The following RC3H1 variants were observed in gnomAD, a reference collection of about 807,000 sequenced individuals.
RC3H1 encodes the protein roquin-1.
Under a neutral mutation model 138.2 loss-of-function variants are expected in RC3H1, and 50 were observed. The ratio of observed to expected loss-of-function variants is 0.36; its 90% CI spans 0.29 to 0.46. The LOEUF is 0.46. Among genes scored for constraint, RC3H1 ranks in the 20% least tolerant of loss-of-function variants. The pLI, the probability that RC3H1 is intolerant of heterozygous loss-of-function variation, is 1.00. For missense variants in RC3H1, 1,031 were observed against 1,388.1 expected (o/e 0.74, Z 4.09); for synonymous variants, 462 against 489.1 (o/e 0.94, Z 0.73).
chr1:173,968,499 A>T (rs1660214660), intron 9 of RC3H1, among the ~76,000 whole-genome samples: 1 of 152,108 alleles, frequency 6.6e-6, no homozygotes, highest in African/African-American at 2.4e-5. Context: ...TAAACTGGTT[A>T]TGTTTCTCTT....
At chr1:173,944,551 T>C (rs1659051824) in intron 17 of RC3H1, among the ~76,000 whole-genome samples, 1 of 152,152 alleles carries the variant, frequency 6.6e-6, no homozygotes, top group Non-Finnish European at 1.5e-5. Flanking sequence ...ACATGTACCC[T>C]AGAACTTAAA....
chr1:173,952,841 T>C (rs1659473875), intron 13 of RC3H1, among the ~76,000 whole-genome samples: 1 of 152,230 alleles, frequency 6.6e-6, no homozygotes, highest in Non-Finnish European at 1.5e-5. Context: ...AGTGTTTTCA[T>C]GTATACTACC....
At position 173,961,904 on chromosome 1, in the gene RC3H1, C is replaced by T. The variant is rs1448916444; in HGVS notation, c.2023G>A (p.Val675Met). Residue 675 changes from valine (V) to methionine (M), a missense_variant, in exon 12 of 20, where the codon GTG becomes ATG. Physicochemically the swap from Val to Met is conservative, Grantham distance 21. Coordinates refer to ENST00000367696, the MANE Select transcript of RC3H1 (RefSeq NM_172071.4). ...IYPSHYDGRR[V>M]YPAPSYTREE... The stretch of plus-strand genomic sequence containing the variant: ...CTTGTGTAAGACGGAGCAGGGTACA[C>T]TCGACGGCCATCATAGTGAGATGGG... 3.1e-6 allele frequency: 5 copies of T among 1,614,014 alleles called. No individual in the cohort carries two copies. The highest frequency in any genetic ancestry group is 4.5e-5 in the East Asian group (2 of 44,900).
At chr1:173,965,211 T>C in intron 9 of RC3H1, 91 bp from the exon 10 acceptor site, 1 of 1,172,432 alleles carries the variant, frequency 8.5e-7, no homozygotes, top group East Asian at 2.5e-5. Flanking sequence ...CTAGAAATAT[T>C]CTCTCTTGAA....
At chr1:173,990,745 G>A (rs1394537349) in intron 2 of RC3H1, among the ~76,000 whole-genome samples, 1 of 151,890 alleles carries the variant, frequency 6.6e-6, no homozygotes, top group Non-Finnish European at 1.5e-5. Context: ...TGGGACTACA[G>A]GCGCCTGCAA....
chr1:173,964,751 T>C, intron 10 of RC3H1, 88 bp downstream of exon 10: 1 of 1,256,000 alleles, frequency 8.0e-7, no homozygotes, highest in Admixed American at 2.3e-5. Flanking sequence ...AGGGTTTTTT[T>C]TTTTTAAATC....
rs60259705 is a variant in RC3H1, at chr1:173,950,420, C to CAAAAAAAAAAAAAAAAAAAAAAAA, written c.2523+1565_2523+1566insTTTTTTTTTTTTTTTTTTTTTTTT. On this transcript the variant is annotated intron_variant, in intron 14 of 19. Transcript: ENST00000367696. ...CAACATAGCAAGACCTCATCTCTAC[C>CAAAAAAAAAAAAAAAAAAAAAAAA]AAAAAAAAAAAAAAAAAAAAAGAGC... is the stretch of plus-strand genomic sequence containing the variant. Among the ~76,000 whole-genome samples, 26 of 63,658 alleles carry CAAAAAAAAAAAAAAAAAAAAAAAA rather than the reference C, an allele frequency of 4.1e-4. 3 individuals carry two copies. The highest frequency in any genetic ancestry group is 1.7e-3 in the East Asian group (3 of 1,792). 41.8% of individuals were successfully genotyped at this position (63,658 alleles called of 152,430 possible). A position where few individuals can be genotyped will look rare whatever the true frequency, so the allele number is the denominator to read the frequency against.
chr1:173,949,167 G>A (rs1659276118), intron 14 of RC3H1, among the ~76,000 whole-genome samples: 1 of 143,654 alleles, frequency 7.0e-6, no homozygotes, highest in East Asian at 2.1e-4. Flanking sequence ...TTGTATTTAT[G>A]CTATTAGATA....
chr1:173,988,931 T>G (rs1472469949), intron 2 of RC3H1, among the ~76,000 whole-genome samples: 4 of 152,240 alleles, frequency 2.6e-5, no homozygotes, highest in African/African-American at 4.8e-5. Flanking sequence ...CCTTATATAT[T>G]CTACATATAA....
In RC3H1 at chr1:173,932,428, A is replaced by G. The variant is rs1176311388; in HGVS notation, c.*6293T>C. On this transcript the variant is annotated 3_prime_UTR_variant, in exon 20 of 20. Transcript: ENST00000367696. ...AAACTGGAAAATGTTTAAGTGGGTGAAAGGTTTTGTTCATTACCTTAATTC... is the reference window on the plus strand; with the variant it reads ...AAACTGGAAAATGTTTAAGTGGGTGGAAGGTTTTGTTCATTACCTTAATTC... The G allele has an allele frequency of 6.6e-6, 1 of 152,140 alleles. No individual in the cohort carries two copies. Among genetic ancestry groups the G allele is most frequent in the African/African-American group, 2.4e-5 (1 of 41,460 alleles). The allele number at this position is 152,140 out of a possible 1,614,324, so 9.4% of individuals were successfully genotyped here.
intron 13 of RC3H1, among the ~76,000 whole-genome samples, chr1:173,960,324 T>C (rs1192026025): frequency 6.6e-6 from 1 of 151,912 alleles, no homozygotes; most frequent in Admixed American, 6.6e-5. Flanking sequence ...AGCAACACTG[T>C]CTAATAGAAA....
rs1474420481 is a variant in RC3H1, at chr1:173,961,256, A to G, written c.2203-12T>C. The G allele has an allele frequency of 3.8e-6, 6 of 1,598,988 alleles. No homozygotes were observed. The Admixed American group carries it at 1.1e-4, about 29-fold the overall frequency. On this transcript the variant is annotated splice_polypyrimidine_tract_variant and intron_variant, in intron 12 of 19. Coordinates refer to ENST00000367696, the MANE Select transcript of RC3H1 (RefSeq NM_172071.4). ...CTATAAGGAGGTTCCTAAAAATAGA[A>G]AGATTAGTTAAAATTGAAAGAGAAT...
chr1:173,965,029 T>C lies in RC3H1; in HGVS notation c.1426A>G (p.Ile476Val), dbSNP rs974824786. ...LNEVGLPSAA[I>V]LPDEGAVDLP... ...TCCACTGCACCTTCATCTGGAAGGATAGCTGCTGAAGGCAGGCCCACCTCA... is the reference window on the plus strand; with the variant it reads ...TCCACTGCACCTTCATCTGGAAGGACAGCTGCTGAAGGCAGGCCCACCTCA... Residue 476 changes from isoleucine to valine, a missense_variant, in exon 10 of 20, where the codon ATC becomes GTC. Ile to Val is a conservative substitution (Grantham distance 29, BLOSUM62 3). Coordinates refer to ENST00000367696, the MANE Select transcript of RC3H1 (RefSeq NM_172071.4). The C allele has an allele frequency of 1.7e-5, 27 of 1,614,182 alleles. No homozygotes were observed. Among genetic ancestry groups the C allele is most frequent in the South Asian group, 4.4e-5 (4 of 91,082 alleles).
At position 173,951,982 on chromosome 1, in the gene RC3H1, A is replaced by G; in HGVS notation, c.2523+4T>C. On this transcript the variant is annotated splice_donor_region_variant and intron_variant, in intron 14 of 19. Transcript: ENST00000367696. ...ATTAATTATTGCTTAGCTATTACAC[A>G]TACCATCATTTCCACACTCCCTGCT... is the stretch of plus-strand genomic sequence containing the variant. 6.2e-7 allele frequency: 1 copy of G among 1,603,122 alleles called. No individual in the cohort carries two copies. The highest frequency in any genetic ancestry group is 8.5e-7 in the Non-Finnish European group (1 of 1,175,980).
At chr1:173,962,185 A>G (rs1659916069) in intron 11 of RC3H1, 90 bp from the exon 12 acceptor site, 12 of 1,169,432 alleles carry the variant, frequency 1.0e-5, no homozygotes, top group Admixed American at 2.6e-5. Flanking sequence ...CTGAAACACT[A>G]AAGTATTGAT....
At chr1:173,939,463 A>G (rs1459120186) in intron 19 of RC3H1, among the ~76,000 whole-genome samples, 4 of 145,758 alleles carry the variant, frequency 2.7e-5, no homozygotes, top group African/African-American at 5.1e-5. Flanking sequence ...CCTGAGAGGC[A>G]GAGGTTTCAC....
At chr1:173,959,994 G>C (rs1659799533) in intron 13 of RC3H1, among the ~76,000 whole-genome samples, 2 of 148,492 alleles carry the variant, frequency 1.3e-5, no homozygotes, top group Non-Finnish European at 3.0e-5. Context: ...TGTAATCTCA[G>C]TTACTCAGGA....
intron 9 of RC3H1, among the ~76,000 whole-genome samples, chr1:173,965,407 A>G (rs1198661914): frequency 1.3e-5 from 2 of 152,092 alleles, no homozygotes; most frequent in African/African-American, 2.4e-5. Flanking sequence ...TCTGGCCAAC[A>G]TGGTGAAGCT....
At chr1:173,986,577 A>G (rs1183708661) in intron 2 of RC3H1, among the ~76,000 whole-genome samples, 2 of 151,266 alleles carry the variant, frequency 1.3e-5, no homozygotes, top group Admixed American at 6.6e-5. Flanking sequence ...TTTTTTTCAA[A>G]GTTGAGACAA....
Sources: gnomAD v4.1 joint callset for allele counts (sites outside exome capture counted in the v4.1 genomes callset) on GRCh38, gnomAD v4.1.1 for gene constraint, MANE v1.5 for transcripts, NCBI Gene and HGNC (gene_info 2026-07-23, HGNC 2026-07-21) for gene names.